NRXN3: variants seen among roughly 807,000 people sequenced by gnomAD.
The protein encoded by NRXN3 is neurexin III.
Under a neutral mutation model 137.6 loss-of-function variants are expected in NRXN3, and 32 were observed. That is an observed-to-expected ratio of 0.23 (90% CI 0.18 to 0.31). The LOEUF (loss-of-function observed/expected upper bound fraction) is 0.31. Ranked by LOEUF, NRXN3 falls within the 10% of genes least tolerant of loss-of-function variation. The pLI is 1.00. For missense variants in NRXN3, 1,574 were observed against 2,062.5 expected (o/e 0.76, Z 4.59); for synonymous variants, 798 against 784.5 (o/e 1.02, Z -0.29).
At chr14:78,330,550 G>A (rs1248618050) in intron 4 of NRXN3, among the ~76,000 whole-genome samples, 4 of 152,084 alleles carry the variant, frequency 2.6e-5, no homozygotes, top group Non-Finnish European at 5.9e-5. Flanking sequence ...TAATCTCAGA[G>A]CTAATCTAAA....
intron 4 of NRXN3, among the ~76,000 whole-genome samples, chr14:78,357,426 T>C (rs926185860): frequency 2.0e-5 from 3 of 151,980 alleles, no homozygotes; most frequent in African/African-American, 7.2e-5. Flanking sequence ...CAATTCTAGA[T>C]GAGATTTGGA....
chr14:79,244,947 T>A (rs2074934440), intron 15 of NRXN3, among the ~76,000 whole-genome samples: 2 of 152,144 alleles, frequency 1.3e-5, no homozygotes, highest in African/African-American at 4.8e-5. Context: ...AGGTTTCAAC[T>A]GTCGAGTCTA....
chr14:78,785,568 C>G (rs967871716), intron 8 of NRXN3, among the ~76,000 whole-genome samples: 1 of 152,146 alleles, frequency 6.6e-6, no homozygotes, highest in East Asian at 1.9e-4. Context: ...ACTTTGCCAG[C>G]CCTATAAAAC....
chr14:79,504,637 TTTTTTATATATATATATGTATATATA>T (rs2096855840), intron 16 of NRXN3, among the ~76,000 whole-genome samples: 2 of 61,532 alleles, frequency 3.3e-5, no homozygotes, highest in Admixed American at 1.6e-4. Context: ...TAAAATGAAG[TTTTTTATATATATATATGTATATATA>T]TATATATATA....
intron 15 of NRXN3, among the ~76,000 whole-genome samples, chr14:79,379,913 A>T (rs1182871783): frequency 1.3e-5 from 2 of 152,060 alleles, no homozygotes; most frequent in African/African-American, 4.8e-5. Context: ...TAGTAACACA[A>T]TATACGAAGT....
intron 15 of NRXN3, among the ~76,000 whole-genome samples, chr14:79,359,570 CTTTTT>C (rs61025850): frequency 3.8e-5 from 4 of 105,514 alleles, no homozygotes; most frequent in Non-Finnish European, 5.9e-5. Context: ...AACATTTAGT[CTTTTT>C]TTTTTTTTTT....
intron 15 of NRXN3, among the ~76,000 whole-genome samples, chr14:79,446,219 C>G (rs1371843011): frequency 6.6e-6 from 1 of 152,110 alleles, no homozygotes; most frequent in African/African-American, 2.4e-5. Flanking sequence ...AGGGCTACTT[C>G]AGTAATTAGT....
intron 16 of NRXN3, among the ~76,000 whole-genome samples, chr14:79,470,548 A>G (rs1282687171): frequency 6.6e-6 from 1 of 152,160 alleles, no homozygotes; most frequent in African/African-American, 2.4e-5. Flanking sequence ...ATACCTCCCA[A>G]CACTGTGGCA....
At chr14:79,082,088 A>G (rs1360480274) in intron 15 of NRXN3, among the ~76,000 whole-genome samples, 2 of 151,532 alleles carry the variant, frequency 1.3e-5, no homozygotes, top group Admixed American at 6.6e-5. Flanking sequence ...ACATATATAC[A>G]CATACTTATA....
chr14:78,517,901 C>T (rs2096233475), intron 4 of NRXN3, among the ~76,000 whole-genome samples: 1 of 152,144 alleles, frequency 6.6e-6, no homozygotes, highest in African/African-American at 2.4e-5. Flanking sequence ...GTAAAGTTGT[C>T]ACTCCTCATG....
intron 19 of NRXN3, among the ~76,000 whole-genome samples, chr14:79,752,301 T>A (rs934297113): frequency 1.3e-5 from 2 of 152,024 alleles, no homozygotes; most frequent in Non-Finnish European, 2.9e-5. Flanking sequence ...TTAGTCTGTT[T>A]TGGTTACTGC....
intron 11 of NRXN3, among the ~76,000 whole-genome samples, chr14:78,963,572 T>C (rs1265519237): frequency 6.6e-6 from 1 of 152,202 alleles, no homozygotes; most frequent in African/African-American, 2.4e-5. Flanking sequence ...TTATGTTGCT[T>C]TGTATTTTCA....
At chr14:78,846,105 T>C (rs1286015196) in intron 10 of NRXN3, among the ~76,000 whole-genome samples, 1 of 152,068 alleles carries the variant, frequency 6.6e-6, no homozygotes, top group African/African-American at 2.4e-5. Flanking sequence ...CTCATAAACA[T>C]CCTATCTGCT....
At chr14:79,343,632 A>G (rs975539167) in intron 15 of NRXN3, among the ~76,000 whole-genome samples, 2 of 152,160 alleles carry the variant, frequency 1.3e-5, no homozygotes, top group Non-Finnish European at 2.9e-5. Context: ...ATGTTGGCCA[A>G]CAACTCTGGG....
At chr14:79,568,925 G>T (rs534584290) in intron 16 of NRXN3, among the ~76,000 whole-genome samples, 2 of 152,088 alleles carry the variant, frequency 1.3e-5, no homozygotes, top group East Asian at 1.9e-4. Context: ...GCAGGGTAAA[G>T]GTAATTGTGT....
intron 4 of NRXN3, among the ~76,000 whole-genome samples, chr14:78,589,956 T>C (rs1409137560): frequency 6.6e-6 from 1 of 152,062 alleles, no homozygotes; most frequent in East Asian, 1.9e-4. Flanking sequence ...AAACTCCGTT[T>C]GAAACAAACA....
intron 4 of NRXN3, among the ~76,000 whole-genome samples, chr14:78,469,656 G>A (rs2095216277): frequency 6.6e-6 from 1 of 152,176 alleles, no homozygotes; most frequent in Admixed American, 6.5e-5. Context: ...GGGCTTGTTA[G>A]TGCTAATCCT....
At chr14:79,776,829 C>G (rs1459797660) in intron 19 of NRXN3, among the ~76,000 whole-genome samples, 1 of 152,196 alleles carries the variant, frequency 6.6e-6, no homozygotes, top group Non-Finnish European at 1.5e-5. Context: ...TGTACTCCAG[C>G]AGTGACATTT....
chr14:79,233,167 T>TG (rs1401163347), intron 15 of NRXN3, among the ~76,000 whole-genome samples: 7 of 152,134 alleles, frequency 4.6e-5, no homozygotes, highest in African/African-American at 1.7e-4. Context: ...TAGCAGCAAG[T>TG]CTTCACAGCA....
Sources: allele counts gnomAD v4.1 joint callset (sites outside exome capture counted in the v4.1 genomes callset), GRCh38; gene constraint gnomAD v4.1.1; transcripts MANE v1.5; gene names NCBI Gene and HGNC (gene_info 2026-07-23, HGNC 2026-07-21).